Variants in HERPUD2 observed in about 807,000 individuals in gnomAD.
The protein encoded by HERPUD2 is homocysteine-responsive endoplasmic reticulum-resident ubiquitin-like domain member 2 protein.
Under a neutral mutation model 49.9 loss-of-function variants are expected in HERPUD2, and 13 were observed. The observed-to-expected ratio is 0.26, with a 90% CI of 0.17 to 0.41. The LOEUF (loss-of-function observed/expected upper bound fraction) is 0.41. Among genes scored for constraint, HERPUD2 ranks in the 10% least tolerant of loss-of-function variants. The probability of loss-of-function intolerance (pLI) is 1.00; values close to 1 mark genes in which losing one functional copy is unlikely to be tolerated. For synonymous variants in HERPUD2, 172 were observed against 171.4 expected (o/e 1.00, Z -0.03); for missense variants, 449 against 492.2 (o/e 0.91, Z 0.83).
At chr7:35,678,565 C>T (rs1170546400) in intron 2 of HERPUD2, among the ~76,000 whole-genome samples, 1 of 152,056 alleles carries the variant, frequency 6.6e-6, no homozygotes, top group African/African-American at 2.4e-5. Flanking sequence ...CCCCCTAAAG[C>T]GCTGGGATTA....
intron 2 of HERPUD2, among the ~76,000 whole-genome samples, chr7:35,679,033 C>T (rs755740396): frequency 1.3e-5 from 2 of 151,984 alleles, no homozygotes; most frequent in Non-Finnish European, 2.9e-5. Flanking sequence ...AAATTTTTCA[C>T]GGAAACAATA....
chr7:35,634,356 T>C lies in HERPUD2; in HGVS notation c.1015A>G (p.Asn339Asp), dbSNP rs771526810. The C allele has an allele frequency of 4.3e-6, 7 of 1,613,850 alleles. No individual in the cohort carries two copies. Among genetic ancestry groups the C allele is most frequent in the Non-Finnish European group, 4.2e-6 (5 of 1,179,862 alleles). ...QQAPNNNAEVNNDGQNANNLE... is the reference protein window; with the variant it reads ...QQAPNNNAEVDNDGQNANNLE... ...TTGTTTGCATTTTGCCCATCATTGT[T>C]AACTTCGGCATTATTGTTGGGAGCC... The change falls in exon 8 of 9, where the codon AAC becomes GAC. Residue 339 changes from asparagine (N) to aspartate (D), a missense_variant. By Grantham distance (23) the Asn-to-Asp change is conservative. Transcript: ENST00000311350.
chr7:35,660,840 C>A (rs1243113874), intron 5 of HERPUD2, among the ~76,000 whole-genome samples: 1 of 152,178 alleles, frequency 6.6e-6, no homozygotes, highest in East Asian at 1.9e-4. Flanking sequence ...CCTGTTCACT[C>A]TGATGGTAGT....
At chr7:35,645,641 C>T (rs752246583) in intron 5 of HERPUD2, among the ~76,000 whole-genome samples, 2 of 151,836 alleles carry the variant, frequency 1.3e-5, no homozygotes, top group African/African-American at 2.4e-5. Context: ...ATTTTTATAA[C>T]ATTAATGAAA....
chr7:35,663,965 G>A lies in HERPUD2; in HGVS notation c.494+3469C>T, dbSNP rs140534037. Among the ~76,000 whole-genome samples, 94 of 152,282 alleles carry A rather than the reference G, an allele frequency of 6.2e-4. 1 individual carries two copies. In the East Asian group the frequency reaches 0.015, roughly 24 times the overall value. ...TGTTAGCTGGTTATTTTGCTCATTA[G>A]TTGATGCAGTTTCTCCCTAGTATAG... On this transcript the variant is annotated intron_variant, in intron 5 of 8. Transcript: ENST00000311350.
At chr7:35,640,040 C>G (rs923429250) in intron 5 of HERPUD2, among the ~76,000 whole-genome samples, 4 of 152,168 alleles carry the variant, frequency 2.6e-5, no homozygotes, top group Non-Finnish European at 5.9e-5. Flanking sequence ...TCAAAAAAAG[C>G]AAACCTCAAC....
intron 5 of HERPUD2, among the ~76,000 whole-genome samples, chr7:35,659,855 T>C (rs1056076542): frequency 6.6e-6 from 1 of 152,128 alleles, no homozygotes; most frequent in Non-Finnish European, 1.5e-5. Flanking sequence ...TTTTTCCTGT[T>C]CTATTTCATC....
At chr7:35,659,044 C>T (rs1310639365) in intron 5 of HERPUD2, among the ~76,000 whole-genome samples, 2 of 152,124 alleles carry the variant, frequency 1.3e-5, no homozygotes, top group Non-Finnish European at 1.5e-5. Context: ...ATATTGAGAA[C>T]GCTAACCTAC....
chr7:35,685,914 T>C (rs1458017797), intron 2 of HERPUD2, among the ~76,000 whole-genome samples: 1 of 151,780 alleles, frequency 6.6e-6, no homozygotes, highest in African/African-American at 2.4e-5. Context: ...TGAGCCAGGG[T>C]TGTGCCACTG....
At position 35,633,607 on chromosome 7, in the gene HERPUD2, T is replaced by C; in HGVS notation, c.*83A>G. 1.6e-6 allele frequency: 2 copies of C among 1,250,084 alleles called. No individual in the cohort carries two copies. The highest frequency in any genetic ancestry group is 2.2e-6 in the Non-Finnish European group (2 of 895,794). 77.4% of individuals were successfully genotyped at this position (1,250,084 alleles called of 1,614,324 possible). ...CTGTACATGATGATCAAAAGAAAGT[T>C]ATAAATTTTTTTGAAATTGCACTGT... On this transcript the variant is annotated 3_prime_UTR_variant, in exon 9 of 9. Transcript: ENST00000311350.
At chr7:35,640,077 G>C (rs1457419525) in intron 5 of HERPUD2, among the ~76,000 whole-genome samples, 1 of 152,170 alleles carries the variant, frequency 6.6e-6, no homozygotes, top group Non-Finnish European at 1.5e-5. Flanking sequence ...AAAGATGTCA[G>C]TTAGTGAGCA....
chr7:35,661,602 T>C (rs1345727793), intron 5 of HERPUD2, among the ~76,000 whole-genome samples: 3 of 152,204 alleles, frequency 2.0e-5, no homozygotes, highest in Non-Finnish European at 4.4e-5. Flanking sequence ...CCCTTGTAAT[T>C]TGGATTCCTA....
At chr7:35,661,133 G>A (rs895751267) in intron 5 of HERPUD2, among the ~76,000 whole-genome samples, 5 of 152,144 alleles carry the variant, frequency 3.3e-5, no homozygotes, top group African/African-American at 9.7e-5. Context: ...TATAAAATAG[G>A]GAATCCTTTC....
chr7:35,688,058 T>C (rs1786102679), intron 2 of HERPUD2, among the ~76,000 whole-genome samples: 1 of 152,218 alleles, frequency 6.6e-6, no homozygotes, highest in Non-Finnish European at 1.5e-5. Flanking sequence ...GTTAGTTCAA[T>C]GAACTATAAT....
At chr7:35,686,255 C>A (rs1786039915) in intron 2 of HERPUD2, among the ~76,000 whole-genome samples, 1 of 150,550 alleles carries the variant, frequency 6.6e-6, no homozygotes, top group African/African-American at 2.4e-5. Context: ...GTGGCGCGAT[C>A]TCAGCTCACT....
intron 2 of HERPUD2, among the ~76,000 whole-genome samples, chr7:35,677,273 G>A (rs1206651404): frequency 6.6e-6 from 1 of 152,118 alleles, no homozygotes; most frequent in Non-Finnish European, 1.5e-5. Flanking sequence ...TAATAAACCA[G>A]GGAGATTACT....
chr7:35,675,907 T>TG (rs1270720683), intron 2 of HERPUD2, among the ~76,000 whole-genome samples: 6 of 152,166 alleles, frequency 3.9e-5, no homozygotes, highest in Admixed American at 3.9e-4. Flanking sequence ...CTGGAGTAGC[T>TG]GGGACTCCAG....
chr7:35,651,781 TAAAG>T (rs1318154415), intron 5 of HERPUD2, among the ~76,000 whole-genome samples: 1 of 151,108 alleles, frequency 6.6e-6, no homozygotes, highest in Non-Finnish European at 1.5e-5. Flanking sequence ...ATAATGATAT[TAAAG>T]AAGCAAGAGA....
At chr7:35,638,567 G>T in intron 5 of HERPUD2, 95 bp from the exon 6 acceptor site, 1 of 1,189,360 alleles carries the variant, frequency 8.4e-7, no homozygotes, top group Non-Finnish European at 1.2e-6. Context: ...ACCATTGACA[G>T]AATATATTTA....
Sources: allele counts gnomAD v4.1 joint callset (sites outside exome capture counted in the v4.1 genomes callset), GRCh38; gene constraint gnomAD v4.1.1; transcripts MANE v1.5; gene names NCBI Gene and HGNC (gene_info 2026-07-23, HGNC 2026-07-21).